Variants in MEGF9 observed in about 807,000 individuals in gnomAD.
MEGF9 encodes multiple epidermal growth factor-like domains protein 9.
Under a neutral mutation model 46.8 loss-of-function variants are expected in MEGF9, and 6 were observed. The ratio of observed to expected loss-of-function variants is 0.13; its 90% CI spans 0.07 to 0.25. MEGF9 has a LOEUF of 0.25. Among genes scored for constraint, MEGF9 ranks in the 10% least tolerant of loss-of-function variants. The pLI is 1.00. For synonymous variants in MEGF9, 302 were observed against 330.7 expected (o/e 0.91, Z 0.94); for missense variants, 683 against 792.4 (o/e 0.86, Z 1.66).
chr9:120,654,537 C>A (rs891864893), intron 2 of MEGF9, among the ~76,000 whole-genome samples: 7 of 152,114 alleles, frequency 4.6e-5, no homozygotes, highest in African/African-American at 1.7e-4. Flanking sequence ...ACTGCACTGC[C>A]AATCATATAA....
Position 120,605,139 on chromosome 9 carries a change from C to A in MEGF9, c.*51G>T. 6.5e-7 allele frequency: 1 copy of A among 1,531,958 alleles called. No individual in the cohort carries two copies. Among genetic ancestry groups the A allele is most frequent in the Non-Finnish European group, 8.8e-7 (1 of 1,136,508 alleles). 94.9% of individuals were successfully genotyped at this position (1,531,958 alleles called of 1,614,324 possible). On this transcript the variant is annotated 3_prime_UTR_variant, in exon 6 of 6. Transcript: ENST00000373930. The surrounding 1 kb of genome is among the most constrained non-coding windows in gnomAD (Gnocchi z 4.0). ...AGGCTTTGTCTGGCCCAGGGGCTGACTCTGTCTTAGCAAGCACTGTGGTTT... is the reference window on the plus strand; with the variant it reads ...AGGCTTTGTCTGGCCCAGGGGCTGAATCTGTCTTAGCAAGCACTGTGGTTT...
intron 1 of MEGF9, among the ~76,000 whole-genome samples, chr9:120,677,194 T>C (rs2043777087): frequency 6.6e-6 from 1 of 152,064 alleles, no homozygotes; most frequent in African/African-American, 2.4e-5. Flanking sequence ...AGTGGCACGA[T>C]CACAGCTCAC....
At chr9:120,668,363 TGTA>T (rs1301034400) in intron 1 of MEGF9, among the ~76,000 whole-genome samples, 2 of 152,238 alleles carry the variant, frequency 1.3e-5, no homozygotes, top group African/African-American at 4.8e-5. Flanking sequence ...TGTAGAGATG[TGTA>T]GTATTAAAGC....
chr9:120,695,273 A>G (rs1489341643), intron 1 of MEGF9, among the ~76,000 whole-genome samples: 1 of 152,162 alleles, frequency 6.6e-6, no homozygotes, highest in Non-Finnish European at 1.5e-5. Flanking sequence ...AGTCAGTTAC[A>G]TAGACAAGTA....
intron 1 of MEGF9, among the ~76,000 whole-genome samples, chr9:120,666,875 T>C (rs1168116621): frequency 1.3e-5 from 2 of 151,938 alleles, no homozygotes; most frequent in African/African-American, 2.4e-5. Flanking sequence ...TTATGCTAAA[T>C]GAAAGGAGCC....
chr9:120,688,194 G>C (rs1483900080), intron 1 of MEGF9, among the ~76,000 whole-genome samples: 1 of 151,012 alleles, frequency 6.6e-6, no homozygotes, highest in Non-Finnish European at 1.5e-5. Flanking sequence ...ACTTCTCTTA[G>C]GGCTTCAGAG....
chr9:120,664,338 A>C (rs2043715712), intron 1 of MEGF9, among the ~76,000 whole-genome samples: 1 of 152,194 alleles, frequency 6.6e-6, no homozygotes, highest in Admixed American at 6.5e-5. Context: ...GTATGTCCTA[A>C]TGAATGTGTC....
intron 1 of MEGF9, among the ~76,000 whole-genome samples, chr9:120,668,678 TAAC>T (rs1372289246): frequency 6.6e-6 from 1 of 152,232 alleles, no homozygotes. Context: ...TTACTACTAA[TAAC>T]AATGATGATA....
At chr9:120,684,860 G>A (rs1412723588) in intron 1 of MEGF9, among the ~76,000 whole-genome samples, 2 of 149,976 alleles carry the variant, frequency 1.3e-5, no homozygotes, top group Non-Finnish European at 3.0e-5. Context: ...TTGAGACGGA[G>A]TCTCGCTCTC....
chr9:120,680,341 T>A (rs541738961), intron 1 of MEGF9, among the ~76,000 whole-genome samples: 3 of 152,170 alleles, frequency 2.0e-5, no homozygotes, highest in Non-Finnish European at 4.4e-5. Context: ...TCGAAGGGAC[T>A]TGGGCCCCAA....
intron 1 of MEGF9, among the ~76,000 whole-genome samples, chr9:120,701,550 A>ATATAGAC (rs1252241524): frequency 6.6e-6 from 1 of 152,188 alleles, no homozygotes; most frequent in African/African-American, 2.4e-5. Flanking sequence ...TACCAGTATA[A>ATATAGAC]CAGCAATCCC....
intron 1 of MEGF9, among the ~76,000 whole-genome samples, chr9:120,683,241 G>C (rs1437373526): frequency 6.6e-6 from 1 of 152,088 alleles, no homozygotes; most frequent in Non-Finnish European, 1.5e-5. Flanking sequence ...TCTCTGGTGG[G>C]GGTACTAAGG....
chr9:120,624,559 C>G (rs1332896850), intron 2 of MEGF9, among the ~76,000 whole-genome samples: 1 of 152,070 alleles, frequency 6.6e-6, no homozygotes, highest in African/African-American at 2.4e-5. Context: ...AAAAAAGGTG[C>G]TTTTCTCTCT....
At position 120,637,995 on chromosome 9, in the gene MEGF9, T is replaced by C. The variant is rs371417872; in HGVS notation, c.804-15240A>G. The stretch of plus-strand genomic sequence containing the variant: ...TTTAGTGAAAGGGTAAATTTTTTTT[T>C]AACCTTTTTCTTTTTTTGAGACAGG... On this transcript the variant is annotated intron_variant, in intron 2 of 5. Transcript: ENST00000373930. Among the ~76,000 whole-genome samples, 11 of 152,100 alleles carry C rather than the reference T, an allele frequency of 7.2e-5. No homozygotes were observed. The East Asian group carries it at 1.2e-3, about 16-fold the overall frequency.
Position 120,601,744 on chromosome 9 carries a change from A to G in MEGF9, c.*3446T>C, listed in dbSNP as rs2043396975. ...TCATTTTTTTCTCTATAACTGGAGA[A>G]ATTCCATTAATAAAAGAACCCTAGG... On this transcript the variant is annotated 3_prime_UTR_variant, in exon 6 of 6. Coordinates refer to ENST00000373930, the MANE Select transcript of MEGF9 (RefSeq NM_001080497.3). The G allele has an allele frequency of 6.6e-6, 1 of 152,160 alleles. No individual in the cohort carries two copies. Among genetic ancestry groups the G allele is most frequent in the African/African-American group, 2.4e-5 (1 of 41,432 alleles). The allele number at this position is 152,160 out of a possible 1,614,324, so 9.4% of individuals were successfully genotyped here. A position where few individuals can be genotyped will look rare whatever the true frequency, so the allele number is the denominator to read the frequency against.
intron 1 of MEGF9, among the ~76,000 whole-genome samples, chr9:120,679,468 C>T (rs2043788548): frequency 8.5e-6 from 1 of 118,192 alleles, no homozygotes; most frequent in African/African-American, 3.6e-5. Flanking sequence ...ACACCGGGGC[C>T]TGTTGAGGGG....
At chr9:120,659,658 A>G in intron 1 of MEGF9, 83 bp from the exon 2 acceptor site, 1 of 1,166,110 alleles carries the variant, frequency 8.6e-7, no homozygotes, top group Non-Finnish European at 1.2e-6. Context: ...TATTTTTCTT[A>G]ATAAATTTTC....
At chr9:120,679,680 G>A (rs961017652) in intron 1 of MEGF9, among the ~76,000 whole-genome samples, 1 of 152,080 alleles carries the variant, frequency 6.6e-6, no homozygotes, top group South Asian at 2.1e-4. Flanking sequence ...GCTCATGTCT[G>A]TAATCCCAGC....
At chr9:120,697,465 G>A (rs1004950114) in intron 1 of MEGF9, among the ~76,000 whole-genome samples, 15 of 150,982 alleles carry the variant, frequency 9.9e-5, no homozygotes, top group Admixed American at 8.6e-4. Flanking sequence ...TAGCATCTTG[G>A]TCTAGAGTCC....
Sources: gnomAD v4.1 joint callset for allele counts (sites outside exome capture counted in the v4.1 genomes callset) on GRCh38, gnomAD v4.1.1 for gene constraint, Gnocchi (gnomAD v3.1) non-coding constraint, MANE v1.5 for transcripts, NCBI Gene and HGNC (gene_info 2026-07-23, HGNC 2026-07-21) for gene names.